The following STAG1 variants were observed in gnomAD, a reference collection of about 807,000 sequenced individuals.
STAG1 encodes the protein STAG1 cohesin complex component.
STAG1 carries 26 observed loss-of-function variants against 170.9 expected under a neutral mutation model. That is an observed-to-expected ratio of 0.15 (90% CI 0.11 to 0.21). The LOEUF (loss-of-function observed/expected upper bound fraction) is 0.21. Ranked by LOEUF, STAG1 falls within the 10% of genes least tolerant of loss-of-function variation. The pLI is 1.00. For missense variants in STAG1, 964 were observed against 1,509.5 expected (o/e 0.64, Z 5.99); for synonymous variants, 514 against 497.7 (o/e 1.03, Z -0.44).
rs372312952 is a variant in STAG1 at position 136,485,929 on chromosome 3, T to G, written c.903-8517A>C. The stretch of plus-strand genomic sequence containing the variant: ...TTCTCTCATAAATGGAAATTTAAGT[T>G]GTTTCCAAGGTTTTGCTTTTACTAA... On this transcript the variant is annotated intron_variant, in intron 9 of 33. Coordinates refer to ENST00000383202, the MANE Select transcript of STAG1 (RefSeq NM_005862.3). 8.0e-4 allele frequency among the ~76,000 whole-genome samples: 122 copies of G among 152,354 alleles called. 1 individual carries two copies. The South Asian group carries it at 0.019, about 24-fold the overall frequency.
intron 13 of STAG1, 115 bp from the exon 14 acceptor site, chr3:136,452,262 G>C (rs2107777029): frequency 1.5e-6 from 1 of 681,272 alleles, no homozygotes; most frequent in East Asian, 2.8e-5. Context: ...GGGGAGCAGG[G>C]AGAACGAGCA....
At chr3:136,751,171 C>A (rs1267457960) in intron 1 of STAG1, among the ~76,000 whole-genome samples, 2 of 138,266 alleles carry the variant, frequency 1.4e-5, no homozygotes, top group African/African-American at 2.7e-5. Flanking sequence ...TGACAAATTG[C>A]GTTTTTTTTT....
At chr3:136,342,908 A>G (rs973454417) in intron 30 of STAG1, among the ~76,000 whole-genome samples, 3 of 152,210 alleles carry the variant, frequency 2.0e-5, no homozygotes, top group African/African-American at 7.2e-5. Context: ...CCATCTTCGG[A>G]TGCTTGCCAT....
intron 12 of STAG1, among the ~76,000 whole-genome samples, chr3:136,467,248 T>C (rs1381168258): frequency 6.6e-6 from 1 of 152,160 alleles, no homozygotes; most frequent in Non-Finnish European, 1.5e-5. Flanking sequence ...ATCAGTGTGC[T>C]GTATTCAGGA....
At chr3:136,585,490 G>A (rs1937771342) in intron 4 of STAG1, among the ~76,000 whole-genome samples, 1 of 151,952 alleles carries the variant, frequency 6.6e-6, no homozygotes, top group East Asian at 1.9e-4. Context: ...ATGGTGGCCT[G>A]TAATCTCAGC....
intron 5 of STAG1, among the ~76,000 whole-genome samples, chr3:136,544,254 C>T (rs67902591): frequency 0.16 from 25,048 of 152,062 alleles, 3,365 homozygotes; most frequent in African/African-American, 0.38. Flanking sequence ...ATGAACCACA[C>T]AGTTTAGAGA....
At chr3:136,615,424 CAAAAAAAAA>C (rs35713077) in intron 3 of STAG1, among the ~76,000 whole-genome samples, 38 of 33,264 alleles carry the variant, frequency 1.1e-3, no homozygotes, top group South Asian at 3.5e-3. Flanking sequence ...AGACTTTGTC[CAAAAAAAAA>C]AAAAAAAAAA....
At chr3:136,474,919 T>C (rs1458339269) in intron 10 of STAG1, among the ~76,000 whole-genome samples, 1 of 152,050 alleles carries the variant, frequency 6.6e-6, no homozygotes, top group African/African-American at 2.4e-5. Context: ...TCCCAACCAC[T>C]TCCCTTCTCT....
chr3:136,582,511 A>G (rs1937611790), intron 4 of STAG1, among the ~76,000 whole-genome samples: 1 of 152,220 alleles, frequency 6.6e-6, no homozygotes, highest in Admixed American at 6.5e-5. Context: ...TAAATTAGCA[A>G]TTCCAGGCTG....
chr3:136,508,513 C>T (rs371610488), intron 7 of STAG1, among the ~76,000 whole-genome samples: 6 of 152,100 alleles, frequency 3.9e-5, no homozygotes, highest in African/African-American at 1.2e-4. Context: ...CATAGCAAGA[C>T]TCCATCTCTA....
At chr3:136,354,321 C>T (rs9837158) in intron 28 of STAG1, among the ~76,000 whole-genome samples, 28,265 of 152,062 alleles carry the variant, frequency 0.19, 3,033 homozygotes, top group Non-Finnish European at 0.24. Flanking sequence ...GAGGCGGAAT[C>T]GCACTCTATC....
intron 22 of STAG1, among the ~76,000 whole-genome samples, chr3:136,390,022 G>A (rs551875471): frequency 3.3e-5 from 5 of 152,048 alleles, no homozygotes; most frequent in African/African-American, 1.2e-4. Flanking sequence ...TGGTAGAGAT[G>A]GGGTTTCACC....
intron 1 of STAG1, among the ~76,000 whole-genome samples, chr3:136,637,898 G>A (rs962165021): frequency 1.2e-4 from 18 of 150,684 alleles, no homozygotes; most frequent in Non-Finnish European, 2.4e-4. Flanking sequence ...TAAGATGGGA[G>A]GTCTTGCTCT....
At chr3:136,448,102 A>G (rs1264342234) in intron 14 of STAG1, among the ~76,000 whole-genome samples, 3 of 152,216 alleles carry the variant, frequency 2.0e-5, no homozygotes, top group Non-Finnish European at 4.4e-5. Flanking sequence ...GTACCAAAAG[A>G]AAACAAAGTT....
intron 1 of STAG1, among the ~76,000 whole-genome samples, chr3:136,719,505 A>C (rs1345626789): frequency 6.6e-6 from 1 of 151,834 alleles, no homozygotes; most frequent in Non-Finnish European, 1.5e-5. Context: ...ATGTTATGTA[A>C]ATTATACCTC....
At chr3:136,441,953 T>A (rs1405511156) in intron 15 of STAG1, among the ~76,000 whole-genome samples, 1 of 152,182 alleles carries the variant, frequency 6.6e-6, no homozygotes, top group Non-Finnish European at 1.5e-5. Flanking sequence ...ATTCAAGCAC[T>A]ATGGTAGGCC....
At chr3:136,578,432 G>T (rs1228102736) in intron 4 of STAG1, among the ~76,000 whole-genome samples, 1 of 152,158 alleles carries the variant, frequency 6.6e-6, no homozygotes, top group African/African-American at 2.4e-5. Flanking sequence ...TTTAGGCCTG[G>T]TAGGCAGAAA....
chr3:136,571,516 C>T (rs1440823234), intron 4 of STAG1, among the ~76,000 whole-genome samples: 3 of 152,144 alleles, frequency 2.0e-5, no homozygotes, highest in Admixed American at 6.5e-5. Context: ...CTGCAGTGAG[C>T]AAAGATCGCA....
intron 5 of STAG1, among the ~76,000 whole-genome samples, chr3:136,563,061 G>C (rs2107754006): frequency 6.6e-6 from 1 of 152,326 alleles, no homozygotes; most frequent in Admixed American, 6.5e-5. Flanking sequence ...ATATCAGAAA[G>C]CACATGATAG....
Sources: allele counts gnomAD v4.1 joint callset (sites outside exome capture counted in the v4.1 genomes callset), GRCh38; gene constraint gnomAD v4.1.1; transcripts MANE v1.5; gene names NCBI Gene and HGNC (gene_info 2026-07-23, HGNC 2026-07-21).